Variants in TMEM177 observed in about 807,000 individuals in gnomAD.
TMEM177 encodes transmembrane protein 177.
Under a neutral mutation model 14.2 loss-of-function variants are expected in TMEM177, and 4 were observed. That is an observed-to-expected ratio of 0.28 (90% CI 0.14 to 0.64). The LOEUF is 0.64. TMEM177 is among the 30% of genes least tolerant of loss of function. The probability of loss-of-function intolerance (pLI) is 0.82; values close to 1 mark genes in which losing one functional copy is unlikely to be tolerated. For missense variants in TMEM177, 344 were observed against 405.2 expected (o/e 0.85, Z 1.30); for synonymous variants, 179 against 174.5 (o/e 1.03, Z -0.20).
chr2:119,696,569 G>C, the TMEM177 span, among the ~76,000 whole-genome samples: 1 of 152,212 alleles, frequency 6.6e-6, no homozygotes, highest in African/African-American at 2.4e-5. Flanking sequence ...CAAGGAATAA[G>C]TCATTATAGA....
downstream of TMEM177, chr2:119,685,636 T>G (rs1689001280): frequency 1.4e-6 from 1 of 717,254 alleles, no homozygotes; most frequent in Non-Finnish European, 2.6e-6. Flanking sequence ...TGGTTGGTAA[T>G]ATTATTATTT....
chr2:119,705,552 A>G, the TMEM177 span, among the ~76,000 whole-genome samples: 3 of 151,896 alleles, frequency 2.0e-5, no homozygotes, highest in East Asian at 5.8e-4. Context: ...CATTCTCACA[A>G]CATGGCAGCT....
chr2:119,686,070 A>G, downstream of TMEM177: 1 of 203,248 alleles, frequency 4.9e-6, no homozygotes, highest in Non-Finnish European at 9.8e-6. Context: ...GTAGGGAGAG[A>G]GCAGAGTGGG....
At chr2:119,684,490 G>T (rs13418075), downstream of TMEM177, among the ~76,000 whole-genome samples, 1 of 152,104 alleles carries the variant, frequency 6.6e-6, no homozygotes, top group African/African-American at 2.4e-5. Context: ...GCAGTGGCAG[G>T]ATCGTGTATC....
At chr2:119,692,425 G>A in the TMEM177 span, among the ~76,000 whole-genome samples, 1 of 152,248 alleles carries the variant, frequency 6.6e-6, no homozygotes, top group Non-Finnish European at 1.5e-5. Context: ...GGAGGGAGCC[G>A]TGAGGTGTAG....
chr2:119,705,686 T>C, the TMEM177 span, among the ~76,000 whole-genome samples: 3 of 149,134 alleles, frequency 2.0e-5, no homozygotes, highest in African/African-American at 7.4e-5. Flanking sequence ...TAATGTAACT[T>C]AATCAAGGGA....
chr2:119,717,788 T>C, the TMEM177 span, among the ~76,000 whole-genome samples: 1 of 151,808 alleles, frequency 6.6e-6, no homozygotes. Flanking sequence ...TTGTTGTTGT[T>C]GTTGTATTTT....
At chr2:119,686,125 C>T (rs183309234), downstream of TMEM177, 98 of 163,664 alleles carry the variant, frequency 6.0e-4, no homozygotes, top group African/African-American at 2.1e-3. Flanking sequence ...TTTAACAGGG[C>T]GATCTGGAAC....
Position 119,681,066 on chromosome 2 carries a change from C to A in TMEM177, c.213C>A (p.Asp71Glu), listed in dbSNP as rs761727230. 109 of 1,614,134 alleles carry A rather than the reference C, an allele frequency of 6.8e-5. No homozygotes were observed. The highest frequency in any genetic ancestry group is 8.6e-5 in the Non-Finnish European group (101 of 1,180,048). The change falls in exon 2 of 2, where the codon GAC becomes GAA. Residue 71 changes from aspartate to glutamate, a missense_variant. Asp to Glu is a conservative substitution (Grantham distance 45). Coordinates refer to ENST00000272521, the MANE Select transcript of TMEM177 (RefSeq NM_030577.3). ...LQSLFQEVLQ[D>E]IGVPSGHCYK... is the part of the protein sequence containing the mutation. ...GCCTCTTCCAAGAGGTGCTACAGGA[C>A]ATAGGTGTTCCTTCAGGCCATTGCT... is the stretch of plus-strand genomic sequence containing the variant.
At chr2:119,720,374 A>G in the TMEM177 span, among the ~76,000 whole-genome samples, 21 of 151,954 alleles carry the variant, frequency 1.4e-4, no homozygotes, top group Admixed American at 2.6e-4. Flanking sequence ...TCCCAGGTTC[A>G]AGTGATTCTC....
At chr2:119,709,580 G>A in the TMEM177 span, among the ~76,000 whole-genome samples, 1 of 152,204 alleles carries the variant, frequency 6.6e-6, no homozygotes, top group African/African-American at 2.4e-5. Flanking sequence ...CTAGCTCTTT[G>A]GGAGGCCAAG....
the TMEM177 span, among the ~76,000 whole-genome samples, chr2:119,697,305 A>C: frequency 2.0e-5 from 3 of 152,228 alleles, no homozygotes; most frequent in African/African-American, 7.2e-5. Flanking sequence ...TCATGCCTGC[A>C]ATCCCAGCAC....
At chr2:119,702,804 C>T in the TMEM177 span, among the ~76,000 whole-genome samples, 1 of 152,008 alleles carries the variant, frequency 6.6e-6, no homozygotes, top group African/African-American at 2.4e-5. Context: ...ATATGTATGC[C>T]GATTTAAATT....
At chr2:119,683,794 G>A (rs747277870), downstream of TMEM177, among the ~76,000 whole-genome samples, 3 of 152,062 alleles carry the variant, frequency 2.0e-5, no homozygotes, top group East Asian at 1.9e-4. Flanking sequence ...GCATTGCTCC[G>A]CCTTGCTGCA....
downstream of TMEM177, among the ~76,000 whole-genome samples, chr2:119,684,327 C>T (rs1274913977): frequency 2.0e-5 from 3 of 152,280 alleles, no homozygotes; most frequent in South Asian, 2.1e-4. Context: ...TTCACTCACA[C>T]GTTGCTTCTC....
downstream of TMEM177, among the ~76,000 whole-genome samples, chr2:119,688,126 T>C (rs1211553673): frequency 6.6e-6 from 1 of 152,166 alleles, no homozygotes; most frequent in Admixed American, 6.5e-5. Context: ...CATTAAAAAG[T>C]ATAATTATGA....
chr2:119,699,826 A>C, the TMEM177 span: 1 of 382,396 alleles, frequency 2.6e-6, no homozygotes. Flanking sequence ...CCAGGCCAAG[A>C]AGTGAGGCTG....
At chr2:119,704,173 G>A in the TMEM177 span, among the ~76,000 whole-genome samples, 7 of 152,180 alleles carry the variant, frequency 4.6e-5, no homozygotes, top group Non-Finnish European at 1.0e-4. Flanking sequence ...GTCTAATAAT[G>A]TCTCCATGGA....
chr2:119,692,936 C>T, the TMEM177 span, among the ~76,000 whole-genome samples: 5 of 134,090 alleles, frequency 3.7e-5, no homozygotes, highest in African/African-American at 5.6e-5. Context: ...CACGCCACTG[C>T]ACTCCAGCCT....
Sources: gnomAD v4.1 joint callset for allele counts (sites outside exome capture counted in the v4.1 genomes callset) on GRCh38, gnomAD v4.1.1 for gene constraint, MANE v1.5 for transcripts, NCBI Gene and HGNC (gene_info 2026-07-23, HGNC 2026-07-21) for gene names.